Variants in TMEM182 observed in about 807,000 individuals in gnomAD.
TMEM182 encodes transmembrane protein 182.
In TMEM182, 20 loss-of-function variants were observed where a neutral mutation model predicts 26.8. The observed-to-expected ratio is 0.75, with a 90% CI of 0.53 to 1.09. The LOEUF is 1.09. Ranked by LOEUF, TMEM182 falls within the 50% of genes least tolerant of loss-of-function variation. TMEM182 has a pLI of 0.00. For synonymous variants in TMEM182, 109 were observed against 102.2 expected (o/e 1.07, Z -0.40); for missense variants, 277 against 275.5 (o/e 1.01, Z -0.04).
At chr2:102,737,473 A>G (rs1372686162) in intron 1 of TMEM182, among the ~76,000 whole-genome samples, 2 of 152,246 alleles carry the variant, frequency 1.3e-5, no homozygotes, top group African/African-American at 4.8e-5. Context: ...AATAAGTAAA[A>G]TAATATGGTG....
At chr2:102,742,638 A>G (rs1375148052) in intron 1 of TMEM182, among the ~76,000 whole-genome samples, 3 of 152,216 alleles carry the variant, frequency 2.0e-5, no homozygotes, top group African/African-American at 7.2e-5. Flanking sequence ...TCCAAAACAC[A>G]GAAAACTGAA....
At chr2:102,764,179 C>T (rs1680330512) in intron 2 of TMEM182, 150 bp from the exon 3 acceptor site, 1 of 683,186 alleles carries the variant, frequency 1.5e-6, no homozygotes, top group Non-Finnish European at 2.5e-6. Flanking sequence ...GAAGGCCTTC[C>T]TCCTCACAAC....
intron 3 of TMEM182, among the ~76,000 whole-genome samples, chr2:102,782,123 T>C (rs1681195962): frequency 1.3e-5 from 2 of 152,102 alleles, no homozygotes; most frequent in Admixed American, 6.5e-5. Context: ...GTGGCCAACG[T>C]GGCGAAACCC....
chr2:102,736,948 C>A (rs112060065), exon 1 of TMEM182: 1 of 1,096,468 alleles, frequency 9.1e-7, no homozygotes, highest in Non-Finnish European at 1.3e-6. Context: ...TCCGCGGGTG[C>A]GTGGCCGGTG....
At position 102,815,964 on chromosome 2, in the gene TMEM182, T is replaced by C; in HGVS notation, c.*996T>C. 1.0e-6 allele frequency: 1 copy of C among 984,754 alleles called. No individual in the cohort carries two copies. Among genetic ancestry groups the C allele is most frequent in the Non-Finnish European group, 1.2e-6 (1 of 829,298 alleles). The allele number at this position is 984,754 out of a possible 1,614,324, so 61.0% of individuals were successfully genotyped here. On this transcript the variant is annotated 3_prime_UTR_variant, in exon 5 of 5. Transcript: ENST00000412401. ...TTCCCCAAGATGTTATGGGTTCCAG[T>C]TCTTCTGATCATTTGATTCCTTTAA...
intron 3 of TMEM182, among the ~76,000 whole-genome samples, chr2:102,792,039 TATAC>T (rs1250666936): frequency 1.1e-5 from 1 of 93,084 alleles, no homozygotes; most frequent in African/African-American, 4.7e-5. Context: ...TATATGTGTG[TATAC>T]ACACACACAC....
chr2:102,796,786 ACTC>A (rs1333447521), intron 3 of TMEM182, among the ~76,000 whole-genome samples: 1 of 151,622 alleles, frequency 6.6e-6, no homozygotes, highest in Non-Finnish European at 1.5e-5. Flanking sequence ...AACTGAAGTG[ACTC>A]CTCTTCTCAA....
chr2:102,779,689 A>AT (rs112110293), intron 3 of TMEM182, among the ~76,000 whole-genome samples: 6,516 of 139,168 alleles, frequency 0.047, 437 homozygotes, highest in African/African-American at 0.16. Flanking sequence ...CATACTTTCT[A>AT]TTTTTTTTTT....
chr2:102,741,724 GT>G (rs1679551074), intron 1 of TMEM182, among the ~76,000 whole-genome samples: 1 of 152,242 alleles, frequency 6.6e-6, no homozygotes, highest in South Asian at 2.1e-4. Flanking sequence ...TATTAACAAG[GT>G]TCCAGTATAA....
chr2:102,807,493 A>G (rs1682391423), intron 4 of TMEM182, among the ~76,000 whole-genome samples: 1 of 152,244 alleles, frequency 6.6e-6, no homozygotes, highest in East Asian at 1.9e-4. Context: ...AATTTTTCAA[A>G]AACACAATTT....
At chr2:102,784,498 G>C (rs866853911) in intron 3 of TMEM182, among the ~76,000 whole-genome samples, 18 of 152,150 alleles carry the variant, frequency 1.2e-4, no homozygotes, top group Non-Finnish European at 2.4e-4. Flanking sequence ...AGTGATTTTT[G>C]TAATATTGTT....
At chr2:102,782,645 G>A (rs998231441) in intron 3 of TMEM182, among the ~76,000 whole-genome samples, 1 of 152,106 alleles carries the variant, frequency 6.6e-6, no homozygotes, top group Admixed American at 6.5e-5. Context: ...CCAAAGATCG[G>A]CGAGCTGCCT....
intron 4 of TMEM182, among the ~76,000 whole-genome samples, chr2:102,812,101 A>G (rs1682574996): frequency 6.6e-6 from 1 of 152,220 alleles, no homozygotes; most frequent in Non-Finnish European, 1.5e-5. Context: ...ACACTGATAT[A>G]TCCAATTCTA....
chr2:102,816,916 T>G lies in TMEM182; in HGVS notation c.*1948T>G. 1.0e-6 allele frequency: 1 copy of G among 985,752 alleles called. No homozygotes were observed. 61.1% of individuals were successfully genotyped at this position (985,752 alleles called of 1,614,324 possible). A position where few individuals can be genotyped will look rare whatever the true frequency, so the allele number is the denominator to read the frequency against. Reference sequence around the variant, plus strand: ...GGCTTGAATATTTATAAATTTCAGATGGTTATCCTCACTTTATAGTACACT... The same window carrying G: ...GGCTTGAATATTTATAAATTTCAGAGGGTTATCCTCACTTTATAGTACACT... On this transcript the variant is annotated 3_prime_UTR_variant, in exon 5 of 5. Transcript: ENST00000412401.
At chr2:102,823,162 C>T (rs977346723) in intron 3 of TMEM182, among the ~76,000 whole-genome samples, 1 of 152,126 alleles carries the variant, frequency 6.6e-6, no homozygotes, top group Non-Finnish European at 1.5e-5. Context: ...TGGAAGGTTC[C>T]ATCTTGCTAG....
chr2:102,783,601 A>C (rs1394541997), intron 3 of TMEM182, among the ~76,000 whole-genome samples: 1 of 152,146 alleles, frequency 6.6e-6, no homozygotes, highest in Non-Finnish European at 1.5e-5. Context: ...GAGGTACTGC[A>C]CTCAGTGAAT....
chr2:102,826,824 T>A (rs1447254019), intron 3 of TMEM182, among the ~76,000 whole-genome samples: 1 of 152,088 alleles, frequency 6.6e-6, no homozygotes, highest in East Asian at 1.9e-4. Flanking sequence ...TAATATCATG[T>A]CCCTTTTGGA....
chr2:102,802,631 G>C (rs1337886609), intron 4 of TMEM182, among the ~76,000 whole-genome samples: 1 of 152,220 alleles, frequency 6.6e-6, no homozygotes, highest in Non-Finnish European at 1.5e-5. Context: ...GAAAGACGCA[G>C]GAAGTGTTAG....
chr2:102,797,823 TA>T (rs1681932001), intron 3 of TMEM182, 39 bp from the exon 4 acceptor site: 8 of 1,589,962 alleles, frequency 5.0e-6, no homozygotes, highest in Middle Eastern at 2.1e-4. Flanking sequence ...AATCTAAGTG[TA>T]TTTTTCTTTC....
Sources: allele counts gnomAD v4.1 joint callset (sites outside exome capture counted in the v4.1 genomes callset), GRCh38; gene constraint gnomAD v4.1.1; transcripts MANE v1.5; gene names NCBI Gene and HGNC (gene_info 2026-07-23, HGNC 2026-07-21).